Variants in FER observed in about 807,000 individuals in gnomAD.
The protein encoded by FER is FER tyrosine kinase, also known as tyrosine-protein kinase Fer.
FER carries 63 observed loss-of-function variants against 111.0 expected under a neutral mutation model. The observed-to-expected ratio is 0.57, with a 90% CI of 0.46 to 0.70. The LOEUF is 0.70. Among genes scored for constraint, FER ranks in the 30% least tolerant of loss-of-function variants. The pLI, the probability that FER is intolerant of heterozygous loss-of-function variation, is 0.00. For synonymous variants in FER, 327 were observed against 313.9 expected, an observed-to-expected ratio of 1.04 and a Z score of -0.44; for missense variants, 914 against 954.0, an observed-to-expected ratio of 0.96 and a Z score of 0.55.
intron 11 of FER, among the ~76,000 whole-genome samples, chr5:108,947,258 T>G (rs1340935377): frequency 2.0e-5 from 3 of 152,032 alleles, no homozygotes; most frequent in Non-Finnish European, 4.4e-5. Flanking sequence ...TATTTAAGCT[T>G]TTGAGGAACT....
intron 16 of FER, among the ~76,000 whole-genome samples, chr5:109,098,368 T>C (rs1258707277): frequency 2.0e-5 from 3 of 151,746 alleles, no homozygotes; most frequent in Admixed American, 6.6e-5. Flanking sequence ...AGGCAGATGA[T>C]AAAGTGCTAA....
intron 16 of FER, among the ~76,000 whole-genome samples, chr5:109,068,616 G>A (rs1211157159): frequency 2.6e-5 from 4 of 152,206 alleles, no homozygotes; most frequent in Admixed American, 2.6e-4. Flanking sequence ...TGTGGCTTTG[G>A]AACCATATGT....
At chr5:108,830,112 T>C (rs1418390300) in intron 3 of FER, among the ~76,000 whole-genome samples, 1 of 152,034 alleles carries the variant, frequency 6.6e-6, no homozygotes, top group East Asian at 1.9e-4. Flanking sequence ...ATACATGAAG[T>C]TGGAAGGATA....
At chr5:108,800,882 C>G (rs1359432783) in intron 3 of FER, among the ~76,000 whole-genome samples, 2 of 151,558 alleles carry the variant, frequency 1.3e-5, no homozygotes, top group African/African-American at 4.8e-5. Flanking sequence ...TCGTCTCTAC[C>G]AAAAATACAA....
chr5:108,855,533 A>G (rs866969462), intron 5 of FER, among the ~76,000 whole-genome samples: 69 of 148,732 alleles, frequency 4.6e-4, no homozygotes, highest in African/African-American at 1.7e-3. Flanking sequence ...AGGCAGGAGA[A>G]TGGCGTGAAC....
At chr5:108,965,922 ACTTTAGG>A (rs1441663211) in intron 13 of FER, among the ~76,000 whole-genome samples, 1 of 152,174 alleles carries the variant, frequency 6.6e-6, no homozygotes, top group Non-Finnish European at 1.5e-5. Context: ...TTAAGATTGG[ACTTTAGG>A]CTTGATCTAC....
chr5:109,000,282 A>G (rs1432108756), intron 13 of FER, among the ~76,000 whole-genome samples: 1 of 152,008 alleles, frequency 6.6e-6, no homozygotes, highest in Non-Finnish European at 1.5e-5. Flanking sequence ...TATTTGCCAC[A>G]TATTTAAGCA....
intron 13 of FER, among the ~76,000 whole-genome samples, chr5:109,000,006 A>G (rs1764514085): frequency 6.6e-6 from 1 of 151,190 alleles, no homozygotes; most frequent in Non-Finnish European, 1.5e-5. Flanking sequence ...GAAAGTATTT[A>G]TTTTGTTTCT....
chr5:108,872,301 A>C (rs1472170145), intron 8 of FER, 89 bp downstream of exon 8: 1 of 1,293,404 alleles, frequency 7.7e-7, no homozygotes, highest in African/African-American at 1.5e-5. Flanking sequence ...AATTATTTTT[A>C]CAAGTATTGA....
chr5:108,920,790 G>T (rs1027631595), intron 10 of FER, among the ~76,000 whole-genome samples: 1 of 152,146 alleles, frequency 6.6e-6, no homozygotes, highest in Middle Eastern at 3.4e-3. Flanking sequence ...ATGTATAAAT[G>T]AGATTTTATA....
intron 16 of FER, chr5:109,052,236 A>G (rs1772937920): frequency 1.0e-5 from 16 of 1,607,710 alleles, no homozygotes; most frequent in Non-Finnish European, 1.3e-5. Flanking sequence ...AGAAGCGCAC[A>G]TGAGAGATTG....
chr5:108,829,672 G>T (rs1159021185), intron 3 of FER, among the ~76,000 whole-genome samples: 1 of 152,042 alleles, frequency 6.6e-6, no homozygotes, highest in Non-Finnish European at 1.5e-5. Flanking sequence ...TTTATGGCAT[G>T]TATTTAATTC....
At chr5:108,998,202 A>C (rs1424677834) in intron 13 of FER, among the ~76,000 whole-genome samples, 1 of 151,690 alleles carries the variant, frequency 6.6e-6, no homozygotes, top group Admixed American at 6.6e-5. Context: ...AAAAAAAAAA[A>C]AAACTCTTGC....
chr5:108,891,211 T>C (rs1264789447), intron 9 of FER, among the ~76,000 whole-genome samples: 1 of 152,174 alleles, frequency 6.6e-6, no homozygotes. Flanking sequence ...TTTTGCTCAT[T>C]TTCTAATTGG....
chr5:108,758,628 T>G (rs1253898808), intron 1 of FER, among the ~76,000 whole-genome samples: 3 of 152,200 alleles, frequency 2.0e-5, no homozygotes, highest in Non-Finnish European at 4.4e-5. Context: ...TGTGTCTCGT[T>G]GAAGGATTCC....
chr5:108,980,970 GAGA>G (rs953151815), intron 13 of FER, among the ~76,000 whole-genome samples: 4 of 152,070 alleles, frequency 2.6e-5, no homozygotes, highest in African/African-American at 7.2e-5. Context: ...GGGTTTTTTA[GAGA>G]AGAAGTGAGC....
chr5:109,090,911 G>A (rs1195150218), intron 16 of FER, among the ~76,000 whole-genome samples: 5 of 152,292 alleles, frequency 3.3e-5, no homozygotes, highest in African/African-American at 9.6e-5. Flanking sequence ...GTAAGAGAAG[G>A]GGACAGAGAG....
chr5:109,074,487 A>G (rs552652624), intron 16 of FER, among the ~76,000 whole-genome samples: 1 of 152,350 alleles, frequency 6.6e-6, no homozygotes, highest in East Asian at 1.9e-4. Context: ...ATTCGTAGTG[A>G]CTACAAAATT....
chr5:109,021,835 G>A (rs1376943085), intron 13 of FER, among the ~76,000 whole-genome samples: 2 of 151,918 alleles, frequency 1.3e-5, no homozygotes, highest in Non-Finnish European at 2.9e-5. Flanking sequence ...TTTTCATGTT[G>A]CATTACTACA....
Sources: allele counts gnomAD v4.1 joint callset (sites outside exome capture counted in the v4.1 genomes callset), GRCh38; gene constraint gnomAD v4.1.1; transcripts MANE v1.5; gene names NCBI Gene and HGNC (gene_info 2026-07-23, HGNC 2026-07-21).